SLC29A4: variants seen among roughly 807,000 people sequenced by gnomAD.
SLC29A4 encodes the protein equilibrative nucleoside transporter 4.
In SLC29A4, 36 loss-of-function variants were observed where a neutral mutation model predicts 43.9. The ratio of observed to expected loss-of-function variants is 0.82; its 90% CI spans 0.63 to 1.08. SLC29A4 has a LOEUF of 1.08. Among genes scored for constraint, SLC29A4 ranks in the 50% least tolerant of loss-of-function variants. The pLI is 0.00. For synonymous variants in SLC29A4, 491 were observed against 338.0 expected, an observed-to-expected ratio of 1.45 and a Z score of -4.97; for missense variants, 869 against 755.3, an observed-to-expected ratio of 1.15 and a Z score of -1.77.
intron 5 of SLC29A4, 101 bp downstream of exon 5, chr7:5,291,922 C>G (rs2128088383): frequency 6.7e-7 from 1 of 1,497,896 alleles, no homozygotes; most frequent in South Asian, 1.3e-5. Context: ...ATGATGGGAA[C>G]CGGGCTGGCT....
chr7:5,285,150 A>T (rs940818632), intron 1 of SLC29A4, among the ~76,000 whole-genome samples: 6 of 151,952 alleles, frequency 3.9e-5, no homozygotes, highest in Admixed American at 2.6e-4. Context: ...ACGACTCTTG[A>T]GCTCAGGCTC....
chr7:5,303,294 A>G lies in SLC29A4; in HGVS notation c.*355A>G, dbSNP rs1174133402. 8.5e-6 allele frequency: 3 copies of G among 353,324 alleles called. No homozygotes were observed. Among genetic ancestry groups the G allele is most frequent in the Non-Finnish European group, 1.6e-5 (3 of 189,626 alleles). 21.9% of individuals were successfully genotyped at this position (353,324 alleles called of 1,614,324 possible). A position where few individuals can be genotyped will look rare whatever the true frequency, so the allele number is the denominator to read the frequency against. On this transcript the variant is annotated 3_prime_UTR_variant, in exon 11 of 11. Coordinates refer to ENST00000396872, the MANE Select transcript of SLC29A4 (RefSeq NM_153247.4). Reference sequence around the variant, plus strand: ...CCACCCAGGACAGCAGACACCCGCCAGAGTGTGCGCGCCCAGTGACTGCAC... The same window carrying G: ...CCACCCAGGACAGCAGACACCCGCCGGAGTGTGCGCGCCCAGTGACTGCAC...
chr7:5,294,225 G>T (rs1049364161), intron 5 of SLC29A4, among the ~76,000 whole-genome samples: 1 of 152,154 alleles, frequency 6.6e-6, no homozygotes, highest in African/African-American at 2.4e-5. Flanking sequence ...ACAGGTGTGA[G>T]CCACCATGCC....
At chr7:5,297,886 C>G (rs1324586747) in intron 7 of SLC29A4, among the ~76,000 whole-genome samples, 1 of 152,124 alleles carries the variant, frequency 6.6e-6, no homozygotes, top group Admixed American at 6.5e-5. Flanking sequence ...GGGTCCCCAG[C>G]ACAGACAGCC....
In SLC29A4 at chr7:5,295,193, G is replaced by A. The variant is rs530876515; in HGVS notation, c.619+259G>A. 3.3e-5 allele frequency among the ~76,000 whole-genome samples: 5 copies of A among 152,238 alleles called. No individual in the cohort carries two copies. In the East Asian group the frequency reaches 7.7e-4, roughly 24 times the overall value. ...CTGGGGTGTGTGATCCTTTGTGATC[G>A]GGGAAGCTTATGTCTCTGAGCATGT... On this transcript the variant is annotated intron_variant, in intron 6 of 10. Transcript: ENST00000396872.
Position 5,287,758 on chromosome 7 carries a change from G to A in SLC29A4, c.-8-51G>A, listed in dbSNP as rs1583649143. On this transcript the variant is annotated intron_variant, in intron 1 of 10. Transcript: ENST00000396872. ...TTTATGGGTCAGTGCATGAGCCATGGATCCCTCAGCCTTCTTCCCTCACCT... is the reference window on the plus strand; with the variant it reads ...TTTATGGGTCAGTGCATGAGCCATGAATCCCTCAGCCTTCTTCCCTCACCT... The A allele has an allele frequency of 3.8e-6, 6 of 1,568,960 alleles. No individual in the cohort carries two copies. In the East Asian group the frequency reaches 1.4e-4, roughly 35 times the overall value.
At position 5,296,912 on chromosome 7, in the gene SLC29A4, C is replaced by G. The variant is rs775003692; in HGVS notation, c.620-24C>G. 10 of 1,561,726 alleles carry G rather than the reference C, an allele frequency of 6.4e-6. No homozygotes were observed. In the African/African-American group the frequency reaches 1.1e-4, roughly 17 times the overall value. ...GCAGGGAGCTGGGCGGATCAGGCCC[C>G]GGCCCACTGTGCACGCCCCCCAGGC... On this transcript the variant is annotated intron_variant, in intron 6 of 10. Coordinates refer to ENST00000396872, the MANE Select transcript of SLC29A4 (RefSeq NM_153247.4).
chr7:5,296,883 C>T (rs953654550), intron 6 of SLC29A4, 53 bp from the exon 7 acceptor site: 26 of 1,410,352 alleles, frequency 1.8e-5, no homozygotes, highest in African/African-American at 2.8e-5. Context: ...CGGGACGGGG[C>T]GGTGCAGGGA....
At chr7:5,295,571 G>T (rs561424644) in intron 6 of SLC29A4, among the ~76,000 whole-genome samples, 19 of 152,388 alleles carry the variant, frequency 1.2e-4, no homozygotes, top group African/African-American at 4.6e-4. Flanking sequence ...TACCGGCACT[G>T]TGTGCGTGGA....
Position 5,305,721 on chromosome 7 carries a change from C to G in SLC29A4, c.*2782C>G, listed in dbSNP as rs1318688551. The G allele has an allele frequency of 6.6e-6, 1 of 151,924 alleles. No individual in the cohort carries two copies. The highest frequency in any genetic ancestry group is 1.9e-4 in the East Asian group (1 of 5,188). 9.4% of individuals were successfully genotyped at this position (151,924 alleles called of 1,614,324 possible). A position where few individuals can be genotyped will look rare whatever the true frequency, so the allele number is the denominator to read the frequency against. Reference sequence around the variant, plus strand: ...TACAGGCATGTGCCACCATGCCCGGCTAATTTTGTGCTTTTAGTAGAGACG... The same window carrying G: ...TACAGGCATGTGCCACCATGCCCGGGTAATTTTGTGCTTTTAGTAGAGACG... On this transcript the variant is annotated 3_prime_UTR_variant, in exon 11 of 11. Coordinates refer to ENST00000396872, the MANE Select transcript of SLC29A4 (RefSeq NM_153247.4).
At chr7:5,283,632 G>T (rs1243041507) in intron 1 of SLC29A4, among the ~76,000 whole-genome samples, 3 of 152,188 alleles carry the variant, frequency 2.0e-5, no homozygotes, top group Non-Finnish European at 4.4e-5. Context: ...GCCCCTGCAT[G>T]CATCGGTCCC....
intron 1 of SLC29A4, among the ~76,000 whole-genome samples, chr7:5,283,679 G>C (rs925366776): frequency 2.0e-5 from 3 of 152,094 alleles, no homozygotes; most frequent in African/African-American, 7.2e-5. Context: ...GGAGGGGCTT[G>C]TAACCCACCC....
chr7:5,302,670 G>T, intron 10 of SLC29A4, 127 bp from the exon 11 acceptor site: 2 of 905,642 alleles, frequency 2.2e-6, no homozygotes, highest in South Asian at 3.5e-5. Context: ...CAGGAGGAGC[G>T]ATGGGGCAGC....
chr7:5,284,794 C>T (rs1368647738), intron 1 of SLC29A4, among the ~76,000 whole-genome samples: 37 of 152,310 alleles, frequency 2.4e-4, no homozygotes, highest in Non-Finnish European at 8.8e-5. Context: ...CCCACTTTGC[C>T]GACTAAGCCA....
At chr7:5,298,273 T>G (rs1785857808) in intron 7 of SLC29A4, among the ~76,000 whole-genome samples, 1 of 152,088 alleles carries the variant, frequency 6.6e-6, no homozygotes, top group African/African-American at 2.4e-5. Flanking sequence ...CCTCTCATGG[T>G]CAGGGAAGTT....
rs1786260834 is a variant in SLC29A4, at chr7:5,302,802, A to G, written c.1456A>G (p.Thr486Ala). ...SPKQRELAGN[T>A]MTVSYMSGLT... Reference sequence around the variant, plus strand: ...CAGGCTGGTGTTGTCCACAGGGAACACCATGACCGTGTCCTACATGTCAGG... The same window carrying G: ...CAGGCTGGTGTTGTCCACAGGGAACGCCATGACCGTGTCCTACATGTCAGG... The change falls in exon 11 of 11, where the codon ACC becomes GCC. Residue 486 changes from threonine (T) to alanine (A), a missense_variant. Transcript: ENST00000396872. 1 of 1,557,740 alleles carries G rather than the reference A, an allele frequency of 6.4e-7. No individual in the cohort carries two copies. The highest frequency in any genetic ancestry group is 8.7e-7 in the Non-Finnish European group (1 of 1,150,978).
chr7:5,283,834 G>A (rs1160551304), intron 1 of SLC29A4, among the ~76,000 whole-genome samples: 2 of 152,208 alleles, frequency 1.3e-5, no homozygotes, highest in Non-Finnish European at 2.9e-5. Flanking sequence ...GCCCAGGCCC[G>A]CTTTCCAAGT....
rs1470630290 is a variant in SLC29A4 at position 5,304,455 on chromosome 7, C to G, written c.*1516C>G. On this transcript the variant is annotated 3_prime_UTR_variant, in exon 11 of 11. Transcript: ENST00000396872. ...CTGGCTTCGAGCCTCATCCCTTTTG[C>G]TGATTTGTGCAATTTGGACAAAATC... 6.6e-6 allele frequency: 1 copy of G among 152,254 alleles called. No individual in the cohort carries two copies. The highest frequency in any genetic ancestry group is 1.5e-5 in the Non-Finnish European group (1 of 68,080). The allele number at this position is 152,254 out of a possible 1,614,324, so 9.4% of individuals were successfully genotyped here.
At chr7:5,286,484 C>T (rs1348961907) in intron 1 of SLC29A4, among the ~76,000 whole-genome samples, 1 of 150,750 alleles carries the variant, frequency 6.6e-6, no homozygotes, top group Non-Finnish European at 1.5e-5. Flanking sequence ...GATTGCTCCA[C>T]TGCACTCCAG....
Sources: allele counts gnomAD v4.1 joint callset (sites outside exome capture counted in the v4.1 genomes callset), GRCh38; gene constraint gnomAD v4.1.1; transcripts MANE v1.5; gene names NCBI Gene and HGNC (gene_info 2026-07-23, HGNC 2026-07-21).